TTC6: variants seen among roughly 807,000 people sequenced by gnomAD.
TTC6 encodes tetratricopeptide repeat protein 6.
In TTC6, 172 loss-of-function variants were observed where a neutral mutation model predicts 210.4. That is an observed-to-expected ratio of 0.82 (90% CI 0.72 to 0.93). The LOEUF (loss-of-function observed/expected upper bound fraction) is 0.93. Ranked by LOEUF, TTC6 falls within the 40% of genes least tolerant of loss-of-function variation. The probability of loss-of-function intolerance (pLI) is 0.00; values close to 1 mark genes in which losing one functional copy is unlikely to be tolerated. For missense variants in TTC6, 2,414 were observed against 2,318.1 expected (o/e 1.04, Z -0.85); for synonymous variants, 804 against 819.6 (o/e 0.98, Z 0.32).
At chr14:37,616,372 G>T (rs2095642670) in intron 2 of TTC6, among the ~76,000 whole-genome samples, 1 of 152,090 alleles carries the variant, frequency 6.6e-6, no homozygotes, top group Non-Finnish European at 1.5e-5. Flanking sequence ...TGTGTTTGAA[G>T]AAAAACCACA....
At chr14:37,687,895 C>T (rs866197034) in intron 3 of TTC6, among the ~76,000 whole-genome samples, 1 of 152,046 alleles carries the variant, frequency 6.6e-6, no homozygotes, top group African/African-American at 2.4e-5. Context: ...GGGTGAGACC[C>T]CTGCTTGAGA....
chr14:37,815,204 C>A (rs1157622404), intron 25 of TTC6, among the ~76,000 whole-genome samples: 2 of 152,028 alleles, frequency 1.3e-5, no homozygotes, highest in East Asian at 3.9e-4. Context: ...AAATGGGTAG[C>A]CAAGGATCAG....
rs765679657 is a variant in TTC6 at position 37,598,586 on chromosome 14, C to G, written c.-235+2578C>G. Among the ~76,000 whole-genome samples the G allele has an allele frequency of 4.6e-5, 7 of 152,220 alleles. No homozygotes were observed. The highest frequency in any genetic ancestry group is 8.8e-5 in the Non-Finnish European group (6 of 68,034). On this transcript the variant is annotated intron_variant, in intron 1 of 2. Coordinates refer to the TTC6 transcript ENST00000556845. This position sits in a 1 kb window ranked among gnomAD's most constrained non-coding sequence, Gnocchi z 4.9. The stretch of plus-strand genomic sequence containing the variant: ...TCCCAGCAGGATCTGGCTGGGAGCC[C>G]CTTCCTCAGATATTCACCAGGCAGG...
intron 11 of TTC6, 119 bp downstream of exon 13, chr14:37,749,520 A>G (rs1223718136): frequency 3.5e-6 from 4 of 1,147,046 alleles, no homozygotes; most frequent in African/African-American, 3.2e-5. Context: ...TGGAATTATT[A>G]TAACAGTATA....
At chr14:37,789,234 G>A (rs2096074052) in intron 15 of TTC6, among the ~76,000 whole-genome samples, 1 of 152,142 alleles carries the variant, frequency 6.6e-6, no homozygotes, top group Non-Finnish European at 1.5e-5. Flanking sequence ...TCAATATTCA[G>A]AGTAATGCTA....
chr14:37,831,577 GT>G (rs201866286), intron 29 of TTC6, among the ~76,000 whole-genome samples: 1 of 149,090 alleles, frequency 6.7e-6, no homozygotes, highest in African/African-American at 2.4e-5. Context: ...CTTGCCAGAC[GT>G]TTTTTTTGTG....
intron 1 of TTC6, among the ~76,000 whole-genome samples, chr14:37,649,307 A>G (rs2095707040): frequency 6.6e-6 from 1 of 152,154 alleles, no homozygotes; most frequent in African/African-American, 2.4e-5. Flanking sequence ...TGGATTCTCC[A>G]TGAGAAGAAG....
intron 26 of TTC6, among the ~76,000 whole-genome samples, chr14:37,818,099 T>C (rs2096146571): frequency 6.6e-6 from 1 of 152,164 alleles, no homozygotes; most frequent in Admixed American, 6.6e-5. Flanking sequence ...AAGATAATTT[T>C]GCATTTAAAA....
At chr14:37,725,310 G>A (rs3985269) in intron 7 of TTC6, among the ~76,000 whole-genome samples, 1,316 of 54,872 alleles carry the variant, frequency 0.024, 12 homozygotes, top group Non-Finnish European at 0.036. Context: ...GTGTGTGTGT[G>A]TGTATATATA....
intron 15 of TTC6, among the ~76,000 whole-genome samples, chr14:37,788,930 T>G (rs965962866): frequency 2.0e-5 from 3 of 152,134 alleles, no homozygotes; most frequent in Non-Finnish European, 2.9e-5. Context: ...TAAAGGCCTC[T>G]TTCTCATATT....
intron 10 of TTC6, among the ~76,000 whole-genome samples, chr14:37,740,860 G>A (rs2095916858): frequency 2.0e-5 from 3 of 152,038 alleles, no homozygotes; most frequent in Admixed American, 6.6e-5. Flanking sequence ...TCCTGGAAAG[G>A]GTAATGCACA....
chr14:37,759,345 C>T (rs1373012826), intron 14 of TTC6, among the ~76,000 whole-genome samples: 2 of 152,068 alleles, frequency 1.3e-5, no homozygotes, highest in Middle Eastern at 3.2e-3. Context: ...TCTCTTCTGG[C>T]TTGTAGGGTT....
At chr14:37,702,578 C>G (rs985570361) in intron 5 of TTC6, among the ~76,000 whole-genome samples, 1 of 152,094 alleles carries the variant, frequency 6.6e-6, no homozygotes, top group Admixed American at 6.6e-5. Context: ...GAAAAATGTA[C>G]TGCATGTTTT....
At chr14:37,712,483 ATT>A in intron 5 of TTC6, among the ~76,000 whole-genome samples, 1 of 152,248 alleles carries the variant, frequency 6.6e-6, no homozygotes, top group African/African-American at 2.4e-5. Context: ...AACATCTTGT[ATT>A]TGTCTGTTCA....
chr14:37,688,588 G>GGA (rs142772632), intron 3 of TTC6, among the ~76,000 whole-genome samples: 72 of 151,058 alleles, frequency 4.8e-4, no homozygotes, highest in South Asian at 8.4e-4. Context: ...TTGGCTCAGG[G>GGA]GAGAGAGAGA....
chr14:37,825,836 T>C (rs1028100638), intron 27 of TTC6, among the ~76,000 whole-genome samples: 3 of 152,076 alleles, frequency 2.0e-5, no homozygotes, highest in Non-Finnish European at 4.4e-5. Flanking sequence ...ACCAAATAAA[T>C]ACAATCCCTC....
intron 17 of TTC6, among the ~76,000 whole-genome samples, chr14:37,793,119 G>C (rs2096084287): frequency 6.6e-6 from 1 of 152,040 alleles, no homozygotes; most frequent in Non-Finnish European, 1.5e-5. Context: ...TTCTCACCAG[G>C]ATGGATTTTC....
chr14:37,661,412 T>C (rs979912195), intron 1 of TTC6, among the ~76,000 whole-genome samples: 3 of 152,188 alleles, frequency 2.0e-5, no homozygotes, highest in Admixed American at 2.0e-4. Flanking sequence ...CCTAGCACCA[T>C]TTATTGAATA....
chr14:37,799,639 G>T (rs1208695738), intron 20 of TTC6, among the ~76,000 whole-genome samples: 6 of 152,232 alleles, frequency 3.9e-5, no homozygotes, highest in Middle Eastern at 3.4e-3. Context: ...AAAAAGCAAA[G>T]AATTATACTA....
Sources: allele counts gnomAD v4.1 joint callset (sites outside exome capture counted in the v4.1 genomes callset), GRCh38; gene constraint gnomAD v4.1.1; non-coding constraint Gnocchi (gnomAD v3.1); transcripts MANE v1.5; gene names NCBI Gene and HGNC (gene_info 2026-07-23, HGNC 2026-07-21).